TRAPPC6A: variants seen among roughly 807,000 people sequenced by gnomAD.
TRAPPC6A encodes TRAPP complex subunit 6A.
A neutral mutation model predicts 20.8 loss-of-function variants in TRAPPC6A; 25 were observed. That is an observed-to-expected ratio of 1.20 (90% CI 0.88 to 1.68). The LOEUF (loss-of-function observed/expected upper bound fraction) is 1.68. TRAPPC6A is among the 40% of genes most tolerant of loss of function. The pLI is 0.00. For missense variants in TRAPPC6A, 215 were observed against 211.6 expected, an observed-to-expected ratio of 1.02 and a Z score of -0.10; for synonymous variants, 96 against 93.3, an observed-to-expected ratio of 1.03 and a Z score of -0.16.
At position 45,170,322 on chromosome 19, in the gene TRAPPC6A, C is replaced by T. The variant is rs185961664; in HGVS notation, c.85-5128G>A. On this transcript the variant is annotated intron_variant, in intron 1 of 5. Transcript: ENST00000585934. Reference sequence around the variant, plus strand: ...GGCAAAGGTGCAATGGCCGGCTTCACTATGCTCACAGCGACTGCCAAGAGG... The same window carrying T: ...GGCAAAGGTGCAATGGCCGGCTTCATTATGCTCACAGCGACTGCCAAGAGG... 5.3e-5 allele frequency among the ~76,000 whole-genome samples: 8 copies of T among 152,344 alleles called. No homozygotes were observed. In the East Asian group the frequency reaches 1.5e-3, roughly 29 times the overall value.
At position 45,164,208 on chromosome 19, in the gene TRAPPC6A, G is replaced by A. The variant is rs1162023303; in HGVS notation, c.310C>T (p.Leu104Phe). The A allele has an allele frequency of 6.2e-7, 1 of 1,610,140 alleles. No homozygotes were observed. Among genetic ancestry groups the A allele is most frequent in the South Asian group, 1.1e-5 (1 of 90,326 alleles). Reference protein sequence around the residue: ...VLQDNSFPLLLPMASGLQYLE... With the variant: ...VLQDNSFPLLFPMASGLQYLE... ...TACTGCAGGCCAGAGGCCATCGGGA[G>A]GAGGAGGGGGAAGCTGTTGTCTTGC... The change falls in exon 4 of 6, where the codon CTC becomes TTC. Residue 104 changes from leucine to phenylalanine, a missense_variant. Physicochemically the swap from Leu to Phe is conservative, Grantham distance 22. Coordinates refer to ENST00000585934, the MANE Select transcript of TRAPPC6A (RefSeq NM_001270891.2).
At chr19:45,167,993 C>CTTTT (rs968943946) in intron 1 of TRAPPC6A, among the ~76,000 whole-genome samples, 9 of 99,994 alleles carry the variant, frequency 9.0e-5, no homozygotes, top group Non-Finnish European at 1.4e-4. Flanking sequence ...AAGACCCTGT[C>CTTTT]TTTTTTTTTT....
chr19:45,172,133 G>GT lies in TRAPPC6A; in HGVS notation c.84+6001dup, dbSNP rs1420631171. ...AGGAGAATGGCCACAAATAACCACC[G>GT]TACCAGGCAGGATAGGAGGTCACAA... On this transcript the variant is annotated intron_variant, in intron 1 of 5. Coordinates refer to ENST00000585934, the MANE Select transcript of TRAPPC6A (RefSeq NM_001270891.2). The surrounding 1 kb of genome is among the most constrained non-coding windows in gnomAD (Gnocchi z 4.2). Among the ~76,000 whole-genome samples the GT allele has an allele frequency of 6.6e-6, 1 of 151,502 alleles. No homozygotes were observed. Among genetic ancestry groups the GT allele is most frequent in the Non-Finnish European group, 1.5e-5 (1 of 67,920 alleles).
At chr19:45,170,623 C>G (rs1276712926) in intron 1 of TRAPPC6A, among the ~76,000 whole-genome samples, 9 of 152,218 alleles carry the variant, frequency 5.9e-5, no homozygotes, top group African/African-American at 2.2e-4. Flanking sequence ...AATCTCGGCC[C>G]CGCCACTCAC....
At chr19:45,168,747 G>C (rs1969211387) in intron 1 of TRAPPC6A, among the ~76,000 whole-genome samples, 2 of 152,266 alleles carry the variant, frequency 1.3e-5, no homozygotes, top group Admixed American at 1.3e-4. Context: ...GTGGAAACAG[G>C]GGCTCTGAGG....
rs930238648 is a variant in TRAPPC6A at position 45,173,247 on chromosome 19, A to C, written c.84+4888T>G. On this transcript the variant is annotated intron_variant, in intron 1 of 5. Coordinates refer to ENST00000585934, the MANE Select transcript of TRAPPC6A (RefSeq NM_001270891.2). The surrounding 1 kb of genome is among the most constrained non-coding windows in gnomAD (Gnocchi z 4.8). ...AGGGCTTCTCCTCCTTAGAGAACAAAGGCCTTCCTGGCCCCTCTGGCCGGT... is the reference window on the plus strand; with the variant it reads ...AGGGCTTCTCCTCCTTAGAGAACAACGGCCTTCCTGGCCCCTCTGGCCGGT... 1.1e-4 allele frequency among the ~76,000 whole-genome samples: 16 copies of C among 151,686 alleles called. No individual in the cohort carries two copies. The highest frequency in any genetic ancestry group is 3.9e-4 in the African/African-American group (16 of 41,172).
chr19:45,163,146 G>A lies in TRAPPC6A; in HGVS notation c.*46C>T, dbSNP rs375995015. ...AGCGGCCCCACCGTCTCCTGAGGCC[G>A]GTGAGGCCAGGGGCAGCAGTGCGGC... On this transcript the variant is annotated 3_prime_UTR_variant, in exon 6 of 6. Coordinates refer to ENST00000585934, the MANE Select transcript of TRAPPC6A (RefSeq NM_001270891.2). The surrounding 1 kb of genome is among the most constrained non-coding windows in gnomAD (Gnocchi z 5.3). The A allele has an allele frequency of 3.4e-5, 55 of 1,612,452 alleles. No homozygotes were observed. The highest frequency in any genetic ancestry group is 1.3e-4 in the East Asian group (6 of 44,816).
chr19:45,167,326 A>T lies in TRAPPC6A; in HGVS notation c.85-2132T>A, dbSNP rs559492253. Among the ~76,000 whole-genome samples the T allele has an allele frequency of 2.8e-4, 43 of 152,380 alleles. No homozygotes were observed. In the South Asian group the frequency reaches 8.3e-3, roughly 29 times the overall value. ...CAATTTCACGCAGGTTAATTAACAT[A>T]AACAAGAGTGAAGTTCCAATGCCAT... On this transcript the variant is annotated intron_variant, in intron 1 of 5. Transcript: ENST00000585934.
In TRAPPC6A at chr19:45,178,197, C is replaced by CA. The variant is rs1555751341; in HGVS notation, c.21dup (p.Glu8Ter). The stretch of plus-strand genomic sequence containing the variant: ...GCCACCATCTCCGTGTGAAGAAACT[C>CA]AAACAACACAGTATCCGCCATGCCC... On this transcript the variant is annotated frameshift_variant, in exon 1 of 6. Transcript: ENST00000585934. LOFTEE classifies it high-confidence loss of function. The CA allele has an allele frequency of 1.2e-6, 2 of 1,610,474 alleles. No individual in the cohort carries two copies. The highest frequency in any genetic ancestry group is 8.5e-7 in the Non-Finnish European group (1 of 1,177,342).
At chr19:45,168,341 C>G (rs545036239) in intron 1 of TRAPPC6A, among the ~76,000 whole-genome samples, 1 of 152,292 alleles carries the variant, frequency 6.6e-6, no homozygotes, top group African/African-American at 2.4e-5. Flanking sequence ...AACAAAAAAC[C>G]AGTAAGACAT....
At chr19:45,177,140 G>A (rs977141677) in intron 1 of TRAPPC6A, among the ~76,000 whole-genome samples, 2 of 152,018 alleles carry the variant, frequency 1.3e-5, no homozygotes, top group East Asian at 1.9e-4. Flanking sequence ...AGCCATGACT[G>A]CATCACTGCA....
intron 1 of TRAPPC6A, among the ~76,000 whole-genome samples, chr19:45,168,454 C>A (rs539438599): frequency 2.0e-5 from 3 of 152,202 alleles, no homozygotes; most frequent in African/African-American, 4.8e-5. Context: ...CATCACAGGG[C>A]GCACACGGGC....
rs1044805966 is a variant in TRAPPC6A at position 45,171,492 on chromosome 19, C to T, written c.85-6298G>A. 2.6e-5 allele frequency among the ~76,000 whole-genome samples: 4 copies of T among 152,096 alleles called. No homozygotes were observed. The East Asian group carries it at 5.8e-4, about 22-fold the overall frequency. On this transcript the variant is annotated intron_variant, in intron 1 of 5. Coordinates refer to ENST00000585934, the MANE Select transcript of TRAPPC6A (RefSeq NM_001270891.2). Reference sequence around the variant, plus strand: ...GGTGGAAGGGAAGTCTTATCAGTGTCGGTGCTAATGACATCCACCACACAG... The same window carrying T: ...GGTGGAAGGGAAGTCTTATCAGTGTTGGTGCTAATGACATCCACCACACAG...
chr19:45,176,994 G>A (rs988013609), intron 1 of TRAPPC6A, among the ~76,000 whole-genome samples: 3 of 151,608 alleles, frequency 2.0e-5, no homozygotes, highest in East Asian at 1.9e-4. Context: ...GTGAAAACCC[G>A]TCTCTACTAA....
chr19:45,178,059 C>A (rs766106234), intron 1 of TRAPPC6A, 76 bp downstream of exon 1: 10 of 1,602,990 alleles, frequency 6.2e-6, no homozygotes, highest in Middle Eastern at 1.7e-4. Context: ...AACCCGGACG[C>A]CTGACGCGCC....
intron 3 of TRAPPC6A, 36 bp from the exon 4 acceptor site, chr19:45,164,283 G>A (rs753037341): frequency 6.9e-7 from 1 of 1,442,878 alleles, no homozygotes; most frequent in Non-Finnish European, 9.5e-7. Flanking sequence ...TGGGGTCGGG[G>A]CCTGTACATT....
Position 45,174,179 on chromosome 19 carries a change from C to T in TRAPPC6A, c.84+3956G>A, listed in dbSNP as rs563579066. Among the ~76,000 whole-genome samples the T allele has an allele frequency of 2.6e-5, 4 of 152,178 alleles. No individual in the cohort carries two copies. In the South Asian group the frequency reaches 8.3e-4, roughly 32 times the overall value. ...CAAGGAACTCCGTCCATCAAAGCCT[C>T]CGCCGCCTCATCTGTAAATCGGGGA... On this transcript the variant is annotated intron_variant, in intron 1 of 5. Coordinates refer to ENST00000585934, the MANE Select transcript of TRAPPC6A (RefSeq NM_001270891.2).
chr19:45,177,144 C>G, intron 1 of TRAPPC6A, among the ~76,000 whole-genome samples: 1 of 152,042 alleles, frequency 6.6e-6, no homozygotes, highest in South Asian at 2.1e-4. Context: ...ATGACTGCAT[C>G]ACTGCACTCC....
chr19:45,165,035 G>C, intron 2 of TRAPPC6A, 65 bp from the exon 3 acceptor site: 3 of 1,607,720 alleles, frequency 1.9e-6, no homozygotes, highest in Non-Finnish European at 2.6e-6. Flanking sequence ...AGACAGGCCC[G>C]ACTCCTGCAT....
Sources: gnomAD v4.1 joint callset for allele counts (sites outside exome capture counted in the v4.1 genomes callset) on GRCh38, gnomAD v4.1.1 for gene constraint, Gnocchi (gnomAD v3.1) non-coding constraint, MANE v1.5 for transcripts, NCBI Gene and HGNC (gene_info 2026-07-23, HGNC 2026-07-21) for gene names.